The following ASAP2 variants were observed in gnomAD, a reference collection of about 807,000 sequenced individuals.
The protein encoded by ASAP2 is ArfGAP with SH3 domain, ankyrin repeat and PH domain 2, also known as arf-GAP with SH3 domain, ANK repeat and PH domain-containing protein 2.
In ASAP2, 45 loss-of-function variants were observed where a neutral mutation model predicts 131.4. The observed-to-expected ratio is 0.34, with a 90% confidence interval of 0.27 to 0.44. The LOEUF is 0.44. Among genes scored for constraint, ASAP2 ranks in the 20% least tolerant of loss-of-function variants. ASAP2 has a pLI of 1.00. For missense variants in ASAP2, 1,011 were observed against 1,297.0 expected (o/e 0.78, Z 3.39); for synonymous variants, 510 against 503.0 (o/e 1.01, Z -0.19).
intron 1 of ASAP2, among the ~76,000 whole-genome samples, chr2:9,222,037 C>G (rs1278237211): frequency 6.6e-6 from 1 of 151,834 alleles, no homozygotes; most frequent in East Asian, 1.9e-4. Context: ...ATCTGCCCGC[C>G]TCGGCCTCCC....
At chr2:9,341,685 G>A (rs975665993) in intron 9 of ASAP2, among the ~76,000 whole-genome samples, 9 of 152,334 alleles carry the variant, frequency 5.9e-5, no homozygotes, top group Non-Finnish European at 1.3e-4. Flanking sequence ...CTTTCACAGA[G>A]ACGCTGTACA....
intron 22 of ASAP2, among the ~76,000 whole-genome samples, chr2:9,390,625 C>T (rs1336374230): frequency 1.3e-5 from 2 of 152,194 alleles, no homozygotes; most frequent in Non-Finnish European, 2.9e-5. Context: ...CCAACCTGTG[C>T]CAGCTGGGCA....
At chr2:9,218,077 C>T (rs566490483) in intron 1 of ASAP2, among the ~76,000 whole-genome samples, 1 of 152,278 alleles carries the variant, frequency 6.6e-6, no homozygotes, top group African/African-American at 2.4e-5. Context: ...GGTTCCACAT[C>T]CCACAACCAG....
In ASAP2 at chr2:9,269,596, C is replaced by T. The variant is rs567311938; in HGVS notation, c.127-9721C>T. ...ACGGGGGAACCATGGCCAGGGCCTC[C>T]GGGTGACCCCAGAGGTGGTGGCACC... On this transcript the variant is annotated intron_variant, in intron 1 of 27. Transcript: ENST00000281419. Among the ~76,000 whole-genome samples, 19 of 152,276 alleles carry T rather than the reference C, an allele frequency of 1.2e-4. No individual in the cohort carries two copies. The South Asian group carries it at 3.1e-3, about 25-fold the overall frequency.
chr2:9,225,941 C>A (rs1662732486), intron 1 of ASAP2, among the ~76,000 whole-genome samples: 1 of 152,346 alleles, frequency 6.6e-6, no homozygotes, highest in Admixed American at 6.5e-5. Context: ...AGCAACTGCT[C>A]CATACCAGGC....
chr2:9,384,108 C>T (rs1344976708), intron 20 of ASAP2, among the ~76,000 whole-genome samples: 4 of 152,022 alleles, frequency 2.6e-5, no homozygotes, highest in African/African-American at 7.2e-5. Flanking sequence ...CACATTTGTA[C>T]GTATGTAACA....
chr2:9,379,012 C>T lies in ASAP2; in HGVS notation c.1901C>T (p.Ala634Val), dbSNP rs763984768. Residue 634 changes from alanine (A) to valine (V), a missense_variant, in exon 19 of 28, where the codon GCC becomes GTC. Physicochemically the swap from Ala to Val is moderately conservative, Grantham distance 64 (BLOSUM62 0). Coordinates refer to ENST00000281419, the MANE Select transcript of ASAP2 (RefSeq NM_003887.3). Reference protein sequence around the residue: ...ALHYCCLTDNAECLKLLLRGK... With the variant: ...ALHYCCLTDNVECLKLLLRGK... ...CACTACTGCTGCCTGACCGACAATG[C>T]CGAGTGCCTCAAGTTGCTCCTGCGG... 44 of 1,578,236 alleles carry T rather than the reference C, an allele frequency of 2.8e-5. No individual in the cohort carries two copies. The highest frequency in any genetic ancestry group is 3.5e-5 in the Non-Finnish European group (41 of 1,161,634).
intron 1 of ASAP2, among the ~76,000 whole-genome samples, chr2:9,264,675 G>A (rs552512235): frequency 6.6e-6 from 1 of 152,174 alleles, no homozygotes; most frequent in South Asian, 2.1e-4. Context: ...TCCTCATCTA[G>A]GTGCGCGCTA....
chr2:9,268,937 C>A lies in ASAP2; in HGVS notation c.127-10380C>A, dbSNP rs571341597. On this transcript the variant is annotated intron_variant, in intron 1 of 27. Coordinates refer to ENST00000281419, the MANE Select transcript of ASAP2 (RefSeq NM_003887.3). This position sits in a 1 kb window ranked among gnomAD's most constrained non-coding sequence, Gnocchi z 4.1. ...AGAACTCAGGGTGCTGGGGACAAAC[C>A]GGTGCTGTGCTGCCTGCAGTGTGGG... Among the ~76,000 whole-genome samples the A allele has an allele frequency of 1.1e-4, 16 of 152,068 alleles. No homozygotes were observed. Among genetic ancestry groups the A allele is most frequent in the Non-Finnish European group, 1.5e-4 (10 of 68,018 alleles).
rs1368839330 is a variant in ASAP2, at chr2:9,210,022, C to T, written c.126+2792C>T. 2.0e-5 allele frequency among the ~76,000 whole-genome samples: 3 copies of T among 152,174 alleles called. No homozygotes were observed. The East Asian group carries it at 5.8e-4, about 29-fold the overall frequency. On this transcript the variant is annotated intron_variant, in intron 1 of 27. Transcript: ENST00000281419. ...TTATAGTAACTGTTGGGCCCTTATCCTGTACTATGAAACTCACAGGTATTG... is the reference window on the plus strand; with the variant it reads ...TTATAGTAACTGTTGGGCCCTTATCTTGTACTATGAAACTCACAGGTATTG...
intron 1 of ASAP2, among the ~76,000 whole-genome samples, chr2:9,242,729 T>C (rs761396661): frequency 3.9e-4 from 59 of 152,228 alleles, no homozygotes; most frequent in Admixed American, 2.0e-4. Flanking sequence ...TCTGTTTCCT[T>C]TACTGTTCCA....
chr2:9,335,032 T>C, intron 8 of ASAP2, 61 bp from the exon 9 acceptor site: 1 of 1,551,910 alleles, frequency 6.4e-7, no homozygotes, highest in Non-Finnish European at 8.9e-7. Flanking sequence ...AGCACCAACG[T>C]TTCACTGTAC....
chr2:9,381,107 A>G (rs1414589325), intron 20 of ASAP2, among the ~76,000 whole-genome samples: 1 of 152,242 alleles, frequency 6.6e-6, no homozygotes, highest in East Asian at 1.9e-4. Context: ...CGAGGCCACC[A>G]CAAGGGCCTG....
At chr2:9,344,662 T>G in intron 10 of ASAP2, 27 bp downstream of exon 10, 4 of 1,612,964 alleles carry the variant, frequency 2.5e-6, no homozygotes, top group Non-Finnish European at 3.4e-6. Context: ...GGCTAGAGTT[T>G]AAATGTACGT....
chr2:9,395,886 C>G (rs753123810), intron 24 of ASAP2, among the ~76,000 whole-genome samples: 3 of 151,914 alleles, frequency 2.0e-5, no homozygotes, highest in Admixed American at 2.0e-4. Flanking sequence ...GGATTACAGG[C>G]TTGAGCCACT....
At chr2:9,274,319 CTTTTTTTTT>C (rs57798948) in intron 1 of ASAP2, among the ~76,000 whole-genome samples, 5 of 106,774 alleles carry the variant, frequency 4.7e-5, no homozygotes, top group Non-Finnish European at 8.8e-5. Context: ...AGCATTCAAT[CTTTTTTTTT>C]TTTTTTTTTT....
intron 12 of ASAP2, among the ~76,000 whole-genome samples, chr2:9,352,244 CACAA>C (rs1173061141): frequency 1.9e-3 from 290 of 150,180 alleles, no homozygotes; most frequent in African/African-American, 6.7e-3. Context: ...CACACACACA[CACAA>C]ACACACACAC....
chr2:9,273,487 CAG>C (rs975401003), intron 1 of ASAP2, among the ~76,000 whole-genome samples: 1 of 152,244 alleles, frequency 6.6e-6, no homozygotes, highest in African/African-American at 2.4e-5. Context: ...TTTATCAAGA[CAG>C]GGGAACTGCA....
At position 9,374,778 on chromosome 2, in the gene ASAP2, C is replaced by T. The variant is rs771778856; in HGVS notation, c.1580C>T (p.Thr527Ile). Residue 527 changes from threonine (T) to isoleucine (I), a missense_variant, in exon 17 of 28, where the codon ACA becomes ATA. Thr to Ile is a moderately conservative substitution (Grantham distance 89). Coordinates refer to ENST00000281419, the MANE Select transcript of ASAP2 (RefSeq NM_003887.3). The stretch of plus-strand genomic sequence containing the variant: ...AGGAATGCAAGAAAGGACTACATCA[C>T]AGCCAAGTACATCGAGAGGAGATAC... ...SDMNARKDYI[T>I]AKYIERRYAR... is the part of the protein sequence containing the mutation. 2 of 1,608,088 alleles carry T rather than the reference C, an allele frequency of 1.2e-6. No individual in the cohort carries two copies. Among genetic ancestry groups the T allele is most frequent in the Non-Finnish European group, 1.7e-6 (2 of 1,177,870 alleles).
Sources: allele counts gnomAD v4.1 joint callset (sites outside exome capture counted in the v4.1 genomes callset), GRCh38; gene constraint gnomAD v4.1.1; non-coding constraint Gnocchi (gnomAD v3.1); transcripts MANE v1.5; gene names NCBI Gene and HGNC (gene_info 2026-07-23, HGNC 2026-07-21).